DIP2C: variants seen among roughly 807,000 people sequenced by gnomAD.
DIP2C encodes disco-interacting protein 2 homolog C.
DIP2C carries 33 observed loss-of-function variants against 192.4 expected under a neutral mutation model. The ratio of observed to expected loss-of-function variants is 0.17; its 90% CI spans 0.13 to 0.23. The LOEUF is 0.23. DIP2C is among the 10% of genes least tolerant of loss of function. The pLI, the probability that DIP2C is intolerant of heterozygous loss-of-function variation, is 1.00. For missense variants in DIP2C, 1,537 were observed against 2,110.1 expected (o/e 0.73, Z 5.32); for synonymous variants, 979 against 864.1 (o/e 1.13, Z -2.33).
chr10:674,847 AG>A (rs1180560847), intron 1 of DIP2C, among the ~76,000 whole-genome samples: 6 of 144,824 alleles, frequency 4.1e-5, no homozygotes, highest in Non-Finnish European at 7.5e-5. Context: ...CAACAATAGT[AG>A]GGGCTTCAAA....
chr10:388,649 G>A (rs898501089), intron 13 of DIP2C, among the ~76,000 whole-genome samples: 15 of 152,208 alleles, frequency 9.9e-5, no homozygotes, highest in African/African-American at 3.4e-4. Context: ...GCGTCCCCAG[G>A]TGTGAAAACT....
Position 399,355 on chromosome 10 carries a change from C to G in DIP2C, c.1150-136G>C, listed in dbSNP as rs142820128. 7.3e-4 allele frequency: 473 copies of G among 643,658 alleles called. 1 individual carries two copies. The Middle Eastern group carries it at 8.1e-3, about 11-fold the overall frequency. 39.9% of individuals were successfully genotyped at this position (643,658 alleles called of 1,614,324 possible). A position where few individuals can be genotyped will look rare whatever the true frequency, so the allele number is the denominator to read the frequency against. ...CCTATGTAAAATGCATTTCAGTAAG[C>G]TGTGTTTTAATAAGCATCACACACC... On this transcript the variant is annotated intron_variant, in intron 9 of 36. Transcript: ENST00000280886.
intron 3 of DIP2C, among the ~76,000 whole-genome samples, chr10:443,803 A>G (rs1201385543): frequency 6.6e-6 from 1 of 152,236 alleles, no homozygotes; most frequent in Admixed American, 6.5e-5. Context: ...AAATGCTTTC[A>G]GAATTGCTAT....
At chr10:482,897 GGCAGCTTCCCTAA>G (rs1843711225) in intron 2 of DIP2C, among the ~76,000 whole-genome samples, 2 of 152,162 alleles carry the variant, frequency 1.3e-5, no homozygotes, top group Admixed American at 6.5e-5. Flanking sequence ...GAGCGAAGTG[GGCAGCTTCCCTAA>G]GCAGCGTCTT....
intron 33 of DIP2C, among the ~76,000 whole-genome samples, chr10:287,284 T>C (rs561742320): frequency 1.3e-5 from 2 of 152,282 alleles, no homozygotes; most frequent in Admixed American, 6.5e-5. Flanking sequence ...TAGAAATATC[T>C]CACATTCCAC....
chr10:491,173 C>T (rs1180272674), intron 1 of DIP2C, among the ~76,000 whole-genome samples: 1 of 152,176 alleles, frequency 6.6e-6, no homozygotes, highest in African/African-American at 2.4e-5. Flanking sequence ...GCTCAAGACA[C>T]GGACACTTGG....
At chr10:573,383 G>A (rs566815440) in intron 1 of DIP2C, among the ~76,000 whole-genome samples, 68 of 152,184 alleles carry the variant, frequency 4.5e-4, no homozygotes, top group Non-Finnish European at 8.5e-4. Context: ...TACACAGAGC[G>A]CAGCCGGGCA....
chr10:615,808 C>T lies in DIP2C; in HGVS notation c.85+73686G>A, dbSNP rs377077181. Among the ~76,000 whole-genome samples, 21 of 152,234 alleles carry T rather than the reference C, an allele frequency of 1.4e-4. No homozygotes were observed. In the South Asian group the frequency reaches 3.7e-3, roughly 27 times the overall value. On this transcript the variant is annotated intron_variant, in intron 1 of 36. Coordinates refer to ENST00000280886, the MANE Select transcript of DIP2C (RefSeq NM_014974.3). ...TCTCATGCGTGAGATTACACTCCTC[C>T]AAACAGACATTGCGCCTGTGTCACT...
At chr10:616,207 T>C (rs560461983) in intron 1 of DIP2C, among the ~76,000 whole-genome samples, 3 of 152,354 alleles carry the variant, frequency 2.0e-5, no homozygotes, top group Admixed American at 2.0e-4. Context: ...AATTAGATTA[T>C]CAAGCAGCCG....
At chr10:490,393 C>T (rs989689781) in intron 1 of DIP2C, among the ~76,000 whole-genome samples, 2 of 152,236 alleles carry the variant, frequency 1.3e-5, no homozygotes, top group Non-Finnish European at 2.9e-5. Context: ...GGGGCCATCA[C>T]GTGTCTGTTA....
intron 32 of DIP2C, among the ~76,000 whole-genome samples, chr10:303,863 C>T (rs1368645567): frequency 6.6e-6 from 1 of 152,002 alleles, no homozygotes. Context: ...TTGTTATAAA[C>T]TAATACACAG....
intron 10 of DIP2C, among the ~76,000 whole-genome samples, chr10:395,608 G>T (rs1963925708): frequency 1.3e-5 from 2 of 152,188 alleles, no homozygotes; most frequent in Non-Finnish European, 2.9e-5. Flanking sequence ...TAAGGTCTGT[G>T]CGTTCTCCAC....
chr10:422,587 A>G (rs1449615463), intron 5 of DIP2C, among the ~76,000 whole-genome samples: 1 of 152,216 alleles, frequency 6.6e-6, no homozygotes, highest in East Asian at 1.9e-4. Flanking sequence ...ATGGGAGCGG[A>G]TACGGCTGCA....
intron 1 of DIP2C, among the ~76,000 whole-genome samples, chr10:549,722 C>T (rs943115192): frequency 1.3e-5 from 2 of 152,312 alleles, no homozygotes; most frequent in Non-Finnish European, 2.9e-5. Context: ...TCACTTTTCA[C>T]TCCCTACTCC....
At chr10:665,587 T>C (rs1857040423) in intron 1 of DIP2C, 1 of 152,184 alleles carries the variant, frequency 6.6e-6, no homozygotes, top group African/African-American at 2.4e-5. Flanking sequence ...GGATTTTCTC[T>C]AGCAAAAGAC....
At chr10:324,094 C>T (rs924236232) in intron 31 of DIP2C, among the ~76,000 whole-genome samples, 2 of 152,154 alleles carry the variant, frequency 1.3e-5, no homozygotes, top group South Asian at 4.1e-4. Context: ...TCCCCCAGAA[C>T]GCCTCCCCGT....
chr10:647,334 A>G (rs1324145327), intron 1 of DIP2C, among the ~76,000 whole-genome samples: 1 of 151,004 alleles, frequency 6.6e-6, no homozygotes, highest in Non-Finnish European at 1.5e-5. Context: ...ACAGAGGGAA[A>G]CTGAGTCCAC....
At chr10:506,778 G>A (rs888813473) in intron 1 of DIP2C, among the ~76,000 whole-genome samples, 7 of 152,190 alleles carry the variant, frequency 4.6e-5, no homozygotes, top group South Asian at 2.1e-4. Flanking sequence ...GCCACGCAAC[G>A]TTCCCACCTC....
intron 1 of DIP2C, among the ~76,000 whole-genome samples, chr10:510,822 C>T (rs975770477): frequency 2.0e-5 from 3 of 152,198 alleles, no homozygotes; most frequent in African/African-American, 7.2e-5. Context: ...ATCAAACCTC[C>T]GTAAAGATCA....
Sources: gnomAD v4.1 joint callset for allele counts (sites outside exome capture counted in the v4.1 genomes callset) on GRCh38, gnomAD v4.1.1 for gene constraint, MANE v1.5 for transcripts, NCBI Gene and HGNC (gene_info 2026-07-23, HGNC 2026-07-21) for gene names.